The following RAB38 variants were observed in gnomAD, a reference collection of about 807,000 sequenced individuals.
The protein encoded by RAB38 is RAB38, member RAS oncogene family, also known as ras-related protein Rab-38.
In RAB38, 15 loss-of-function variants were observed where a neutral mutation model predicts 18.4. The observed-to-expected ratio is 0.82, with a 90% confidence interval of 0.55 to 1.26. RAB38 has a LOEUF of 1.26. RAB38 is among the 50% of genes most tolerant of loss of function. RAB38 has a pLI of 0.00. For missense variants in RAB38, 294 were observed against 267.4 expected (o/e 1.10, Z -0.69); for synonymous variants, 101 against 104.4 (o/e 0.97, Z 0.20).
At chr11:88,067,454 C>T in the RAB38 span, among the ~76,000 whole-genome samples, 2 of 151,706 alleles carry the variant, frequency 1.3e-5, no homozygotes, top group Admixed American at 1.3e-4. Context: ...AACTCTGAAG[C>T]TCCATCCATT....
chr11:88,031,179 C>T, the RAB38 span, among the ~76,000 whole-genome samples: 707 of 152,234 alleles, frequency 4.6e-3, 4 homozygotes, highest in African/African-American at 0.016. Flanking sequence ...AATTCAAAAA[C>T]GCTTCATGCT....
At position 88,175,334 on chromosome 11, in the gene RAB38, G is replaced by T. The variant is rs36074402; in HGVS notation, c.51C>A (p.Asp17Glu). ...EHLYKLLVIGDLGVGKTSIIK... is the reference protein window; with the variant it reads ...EHLYKLLVIGELGVGKTSIIK... Reference sequence around the variant, plus strand: ...TGATACTGGTCTTCCCCACGCCCAGGTCGCCAATCACCAGCAACTTGTACA... The same window carrying T: ...TGATACTGGTCTTCCCCACGCCCAGTTCGCCAATCACCAGCAACTTGTACA... Residue 17 changes from aspartate (D) to glutamate (E), a missense_variant, in exon 1 of 3, where the codon GAC (aspartate) becomes GAA (glutamate). Physicochemically the swap from Asp to Glu is conservative, Grantham distance 45 (BLOSUM62 2). Coordinates refer to ENST00000243662, the MANE Select transcript of RAB38 (RefSeq NM_022337.3). 3.7e-6 allele frequency: 6 copies of T among 1,614,190 alleles called. No individual in the cohort carries two copies. Among genetic ancestry groups the T allele is most frequent in the South Asian group, 1.1e-5 (1 of 91,084 alleles).
chr11:88,037,283 A>G, the RAB38 span, among the ~76,000 whole-genome samples: 1 of 151,834 alleles, frequency 6.6e-6, no homozygotes. Flanking sequence ...TTTTTAAGTT[A>G]TTTCCCCTCT....
chr11:88,027,692 G>T, the RAB38 span, among the ~76,000 whole-genome samples: 2 of 152,214 alleles, frequency 1.3e-5, no homozygotes, highest in South Asian at 2.1e-4. Flanking sequence ...CATTGCCCAG[G>T]CTTGCTTAGG....
the RAB38 span, among the ~76,000 whole-genome samples, chr11:87,867,419 T>C: frequency 6.6e-6 from 1 of 151,788 alleles, no homozygotes; most frequent in South Asian, 2.1e-4. Context: ...GAGAGTCTTC[T>C]AGGCAAAACT....
At chr11:87,904,197 C>T in the RAB38 span, among the ~76,000 whole-genome samples, 1 of 151,580 alleles carries the variant, frequency 6.6e-6, no homozygotes, top group South Asian at 2.1e-4. Flanking sequence ...GTCTCATCAC[C>T]CAGTCACTAA....
chr11:88,037,800 TATA>T, the RAB38 span, among the ~76,000 whole-genome samples: 15 of 152,304 alleles, frequency 9.8e-5, no homozygotes, highest in African/African-American at 3.6e-4. Context: ...ATTGTAAAGA[TATA>T]ATAACTTGCA....
chr11:87,823,665 G>GT, the RAB38 span, among the ~76,000 whole-genome samples: 3 of 151,754 alleles, frequency 2.0e-5, no homozygotes, highest in South Asian at 4.2e-4. Context: ...GGAAAGTAAA[G>GT]TTTTTTTTCA....
chr11:88,025,641 T>A, the RAB38 span, among the ~76,000 whole-genome samples: 1 of 152,234 alleles, frequency 6.6e-6, no homozygotes, highest in Non-Finnish European at 1.5e-5. Context: ...ATGGAGCATT[T>A]TTTTCATATG....
At position 88,169,049 on chromosome 11, in the gene RAB38, T is replaced by C. The variant is rs142844725; in HGVS notation, c.202+6134A>G. 5.2e-3 allele frequency among the ~76,000 whole-genome samples: 795 copies of C among 152,290 alleles called. 6 individuals are homozygous for C. The highest frequency in any genetic ancestry group is 0.018 in the African/African-American group (768 of 41,564). On this transcript the variant is annotated intron_variant, in intron 1 of 2. Transcript: ENST00000243662. ...AACTGGAGGAGGCAGAGATTAGAGC[T>C]AGCTAAGAGGCTATGATCCAGAACA...
chr11:88,044,049 T>G, the RAB38 span, among the ~76,000 whole-genome samples: 1 of 152,208 alleles, frequency 6.6e-6, no homozygotes, highest in East Asian at 1.9e-4. Context: ...CTCTCCCTTC[T>G]CTTAATTTCA....
the RAB38 span, among the ~76,000 whole-genome samples, chr11:87,910,633 CTTTTTTTTTT>C: frequency 7.6e-6 from 1 of 131,102 alleles, no homozygotes; most frequent in African/African-American, 3.4e-5. Context: ...AGTTCATTTT[CTTTTTTTTTT>C]TTTTTTTTTT....
At chr11:87,960,928 A>G in the RAB38 span, among the ~76,000 whole-genome samples, 10 of 152,214 alleles carry the variant, frequency 6.6e-5, no homozygotes, top group Admixed American at 2.0e-4. Context: ...CTCAGTAAAT[A>G]GGAGAAATTA....
the RAB38 span, among the ~76,000 whole-genome samples, chr11:87,968,700 C>T: frequency 1.3e-5 from 2 of 152,120 alleles, no homozygotes; most frequent in Non-Finnish European, 2.9e-5. Context: ...AAGCAGTGTG[C>T]TCAGTTATGT....
At chr11:87,941,680 T>C in the RAB38 span, among the ~76,000 whole-genome samples, 2 of 152,132 alleles carry the variant, frequency 1.3e-5, no homozygotes, top group East Asian at 3.9e-4. Context: ...AAGTTACAGC[T>C]ATCAGGAAAA....
the RAB38 span, among the ~76,000 whole-genome samples, chr11:87,878,222 TAC>T: frequency 2.6e-5 from 3 of 116,166 alleles, no homozygotes; most frequent in East Asian, 2.3e-4. Flanking sequence ...TATATATATA[TAC>T]ACACATATAT....
the RAB38 span, among the ~76,000 whole-genome samples, chr11:88,020,030 T>G: frequency 6.6e-6 from 1 of 151,990 alleles, no homozygotes; most frequent in African/African-American, 2.4e-5. Flanking sequence ...ATGAAATGGG[T>G]TAGAGAGAGC....
chr11:88,039,332 C>T, the RAB38 span, among the ~76,000 whole-genome samples: 1 of 151,442 alleles, frequency 6.6e-6, no homozygotes, highest in Non-Finnish European at 1.5e-5. Context: ...GAAAACTTGC[C>T]ATTTAAAAAA....
At chr11:87,884,550 C>T in the RAB38 span, among the ~76,000 whole-genome samples, 2 of 151,930 alleles carry the variant, frequency 1.3e-5, no homozygotes, top group East Asian at 3.9e-4. Flanking sequence ...TGGTACATTA[C>T]TTCCTTAGTA....
Sources: gnomAD v4.1 joint callset for allele counts (sites outside exome capture counted in the v4.1 genomes callset) on GRCh38, gnomAD v4.1.1 for gene constraint, MANE v1.5 for transcripts, NCBI Gene and HGNC (gene_info 2026-07-23, HGNC 2026-07-21) for gene names.